The following ANKRD44 variants were observed in gnomAD, a reference collection of about 807,000 sequenced individuals.
The protein encoded by ANKRD44 is ankyrin repeat domain 44.
A neutral mutation model predicts 116.0 loss-of-function variants in ANKRD44; 35 were observed. That is an observed-to-expected ratio of 0.30 (90% confidence interval 0.23 to 0.40). The LOEUF is 0.40. ANKRD44 is among the 10% of genes least tolerant of loss of function. The pLI is 1.00. For missense variants in ANKRD44, 1,014 were observed against 1,242.6 expected, an observed-to-expected ratio of 0.82 and a Z score of 2.77; for synonymous variants, 435 against 461.8, an observed-to-expected ratio of 0.94 and a Z score of 0.74.
intron 1 of ANKRD44, among the ~76,000 whole-genome samples, chr2:197,249,421 T>C (rs1310953571): frequency 2.0e-5 from 3 of 152,236 alleles, no homozygotes; most frequent in African/African-American, 4.8e-5. Flanking sequence ...CCAGTTTTGC[T>C]CTACATGTGG....
chr2:196,997,487 T>C (rs890042094), intron 25 of ANKRD44, among the ~76,000 whole-genome samples: 5 of 149,308 alleles, frequency 3.3e-5, no homozygotes, highest in Admixed American at 6.7e-5. Context: ...TTCACTCTTG[T>C]TGTCCAGGCT....
At chr2:197,092,865 T>C (rs533267873) in intron 10 of ANKRD44, among the ~76,000 whole-genome samples, 3 of 151,768 alleles carry the variant, frequency 2.0e-5, no homozygotes, top group South Asian at 2.1e-4. Context: ...TTTTTTTCAA[T>C]GCATAACATG....
intron 1 of ANKRD44, among the ~76,000 whole-genome samples, chr2:197,283,060 C>T (rs2083310514): frequency 6.6e-6 from 1 of 152,284 alleles, no homozygotes; most frequent in South Asian, 2.1e-4. Context: ...AAGAGAACAT[C>T]ATAGGAATGC....
chr2:197,279,863 T>C (rs1013424846), intron 1 of ANKRD44, among the ~76,000 whole-genome samples: 1 of 152,158 alleles, frequency 6.6e-6, no homozygotes, highest in East Asian at 1.9e-4. Flanking sequence ...CCCCACCCAG[T>C]TGGACCATAA....
At chr2:196,968,360 T>C (rs2075690209) in intron 21 of ANKRD44, among the ~76,000 whole-genome samples, 1 of 152,208 alleles carries the variant, frequency 6.6e-6, no homozygotes, top group Non-Finnish European at 1.5e-5. Flanking sequence ...TATGTCTTAC[T>C]TCACAGATAA....
intron 18 of ANKRD44, among the ~76,000 whole-genome samples, chr2:197,010,799 C>T (rs764124926): frequency 3.3e-5 from 5 of 152,166 alleles, no homozygotes; most frequent in East Asian, 1.9e-4. Context: ...AGGGAATAGA[C>T]GCCGCTATGT....
intron 2 of ANKRD44, among the ~76,000 whole-genome samples, chr2:197,175,092 AT>A (rs1348359379): frequency 6.6e-6 from 1 of 152,190 alleles, no homozygotes; most frequent in Admixed American, 6.5e-5. Flanking sequence ...ATAAAAAAAG[AT>A]TTTTTTAAAC....
At chr2:197,274,954 T>C (rs1302025846) in intron 1 of ANKRD44, among the ~76,000 whole-genome samples, 1 of 151,862 alleles carries the variant, frequency 6.6e-6, no homozygotes, top group African/African-American at 2.4e-5. Flanking sequence ...AAACAAAAAT[T>C]AGCCAGGTGT....
chr2:197,241,284 T>C (rs1402328257), intron 1 of ANKRD44, among the ~76,000 whole-genome samples: 1 of 152,206 alleles, frequency 6.6e-6, no homozygotes, highest in Non-Finnish European at 1.5e-5. Flanking sequence ...GACTTAGTCG[T>C]CAAATAAGCT....
At chr2:197,045,003 T>C (rs2076976818) in intron 16 of ANKRD44, among the ~76,000 whole-genome samples, 1 of 152,162 alleles carries the variant, frequency 6.6e-6, no homozygotes, top group African/African-American at 2.4e-5. Context: ...ATATTAACGG[T>C]GGATTTTATT....
intron 10 of ANKRD44, among the ~76,000 whole-genome samples, chr2:197,097,158 T>C (rs1417184086): frequency 6.6e-6 from 1 of 152,238 alleles, no homozygotes; most frequent in Non-Finnish European, 1.5e-5. Flanking sequence ...ATTTCCATCA[T>C]ATTGAATTAA....
At chr2:197,176,191 C>G (rs2080360062) in intron 2 of ANKRD44, among the ~76,000 whole-genome samples, 1 of 152,206 alleles carries the variant, frequency 6.6e-6, no homozygotes, top group Admixed American at 6.5e-5. Context: ...TAGTCCTGGA[C>G]AGCCTATCTC....
intron 16 of ANKRD44, among the ~76,000 whole-genome samples, chr2:197,058,231 C>T (rs1429532074): frequency 3.9e-5 from 6 of 152,072 alleles, no homozygotes; most frequent in Non-Finnish European, 8.8e-5. Context: ...ATTGAGATTG[C>T]CATTACTGCA....
At chr2:197,140,490 T>A (rs1008208816) in intron 3 of ANKRD44, among the ~76,000 whole-genome samples, 4 of 152,120 alleles carry the variant, frequency 2.6e-5, no homozygotes, top group African/African-American at 9.7e-5. Context: ...AGCTAATTTT[T>A]AAAAATTTTT....
At chr2:197,178,195 A>G (rs186062615) in intron 2 of ANKRD44, among the ~76,000 whole-genome samples, 90 of 152,334 alleles carry the variant, frequency 5.9e-4, no homozygotes, top group Non-Finnish European at 8.4e-4. Flanking sequence ...CGCTGAGCAC[A>G]GTGGCTCACA....
rs1236819262 is a variant in ANKRD44 at position 197,186,012 on chromosome 2, C to T, written c.111+1011G>A. Among the ~76,000 whole-genome samples the T allele has an allele frequency of 7.2e-5, 11 of 152,136 alleles. No homozygotes were observed. In the East Asian group the frequency reaches 1.7e-3, roughly 24 times the overall value. ...TAATACATAAATGAATGAGTATGGC[C>T]GTGTTCCAACAAAACTGTATTTATG... On this transcript the variant is annotated intron_variant, in intron 2 of 27. Transcript: ENST00000282272.
chr2:197,229,869 C>T (rs543833814), intron 1 of ANKRD44, among the ~76,000 whole-genome samples: 55 of 152,220 alleles, frequency 3.6e-4, no homozygotes, highest in African/African-American at 1.2e-3. Flanking sequence ...AACATCGATG[C>T]AGAATTGGAA....
At chr2:197,218,062 T>G (rs949607911) in intron 1 of ANKRD44, among the ~76,000 whole-genome samples, 3 of 152,020 alleles carry the variant, frequency 2.0e-5, no homozygotes, top group Non-Finnish European at 4.4e-5. Flanking sequence ...TAGAATAAAA[T>G]AAAAGAAAAG....
chr2:197,056,186 C>A (rs1217776676), intron 16 of ANKRD44, among the ~76,000 whole-genome samples: 1 of 152,074 alleles, frequency 6.6e-6, no homozygotes, highest in Non-Finnish European at 1.5e-5. Flanking sequence ...ATCTGGAAGT[C>A]TAAGTCCCCA....
Sources: gnomAD v4.1 joint callset for allele counts (sites outside exome capture counted in the v4.1 genomes callset) on GRCh38, gnomAD v4.1.1 for gene constraint, MANE v1.5 for transcripts, NCBI Gene and HGNC (gene_info 2026-07-23, HGNC 2026-07-21) for gene names.